The following GNAL variants were observed in gnomAD, a reference collection of about 807,000 sequenced individuals.
GNAL encodes the protein guanine nucleotide-binding protein G(olf) subunit alpha.
GNAL carries 18 observed loss-of-function variants against 55.1 expected under a neutral mutation model. The ratio of observed to expected loss-of-function variants is 0.33; its 90% confidence interval spans 0.23 to 0.48. The LOEUF (loss-of-function observed/expected upper bound fraction) is 0.48. GNAL is among the 20% of genes least tolerant of loss of function. The probability of loss-of-function intolerance (pLI) is 0.99; values close to 1 mark genes in which losing one functional copy is unlikely to be tolerated. For missense variants in GNAL, 412 were observed against 614.1 expected (o/e 0.67, Z 3.48); for synonymous variants, 253 against 237.0 (o/e 1.07, Z -0.62).
intron 4 of GNAL, among the ~76,000 whole-genome samples, chr18:11,799,405 T>C (rs922498602): frequency 3.3e-5 from 5 of 152,222 alleles, no homozygotes; most frequent in African/African-American, 1.2e-4. Context: ...ATTTCTACAA[T>C]GAGAAATTAT....
chr18:11,882,500 A>C lies in GNAL; in HGVS notation c.*1365A>C, dbSNP rs1267389956. On this transcript the variant is annotated 3_prime_UTR_variant, in exon 12 of 12. Coordinates refer to ENST00000334049, the MANE Select transcript of GNAL (RefSeq NM_182978.4). ...CAGGAGATCAAGACCATCCTGGCTAACATGGCGAAACCCTGTCTCTACCAA... is the reference window on the plus strand; with the variant it reads ...CAGGAGATCAAGACCATCCTGGCTACCATGGCGAAACCCTGTCTCTACCAA... 6.6e-6 allele frequency: 1 copy of C among 152,212 alleles called. No homozygotes were observed. The highest frequency in any genetic ancestry group is 2.4e-5 in the African/African-American group (1 of 41,404). The allele number at this position is 152,212 out of a possible 1,614,324, so 9.4% of individuals were successfully genotyped here.
intron 9 of GNAL, among the ~76,000 whole-genome samples, chr18:11,869,402 C>T (rs2036341959): frequency 6.6e-6 from 1 of 152,116 alleles, no homozygotes; most frequent in Admixed American, 6.6e-5. Flanking sequence ...CTCGGCCTCC[C>T]AAAGTGCTGG....
At position 11,851,256 on chromosome 18, in the gene GNAL, C is replaced by G. The variant is rs562781018; in HGVS notation, c.723-11139C>G. On this transcript the variant is annotated intron_variant, in intron 5 of 11. Transcript: ENST00000334049. ...AAGCGAGCGTTCCCCGCCGCAGCGC[C>G]GGAGCGTCCAGCCAGAATCCCCCTG... The G allele has an allele frequency of 1.9e-4, 86 of 462,292 alleles. 1 individual carries two copies. The highest frequency in any genetic ancestry group is 3.1e-4 in the Non-Finnish European group (82 of 262,038). 28.6% of individuals were successfully genotyped at this position (462,292 alleles called of 1,614,324 possible).
intron 4 of GNAL, among the ~76,000 whole-genome samples, chr18:11,773,111 C>T (rs555554334): frequency 6.6e-6 from 1 of 152,316 alleles, no homozygotes; most frequent in African/African-American, 2.4e-5. Context: ...CTTCCCTGAC[C>T]TCTGAGATGA....
At chr18:11,825,769 C>A (rs1309128486) in intron 5 of GNAL, among the ~76,000 whole-genome samples, 1 of 140,696 alleles carries the variant, frequency 7.1e-6, no homozygotes, top group African/African-American at 2.5e-5. Flanking sequence ...CACTTGGTGC[C>A]AGGGCTGGCT....
intron 1 of GNAL, among the ~76,000 whole-genome samples, chr18:11,708,652 G>A (rs900588183): frequency 6.6e-6 from 1 of 152,202 alleles, no homozygotes; most frequent in Non-Finnish European, 1.5e-5. Context: ...TTGTAAATTT[G>A]TATAAATGCA....
At chr18:11,696,429 C>G (rs1042130402) in intron 1 of GNAL, among the ~76,000 whole-genome samples, 1 of 151,132 alleles carries the variant, frequency 6.6e-6, no homozygotes, top group Non-Finnish European at 1.5e-5. Flanking sequence ...GGCGTGAACC[C>G]GGAAGGCAGA....
intron 1 of GNAL, among the ~76,000 whole-genome samples, chr18:11,729,769 A>G (rs2032293398): frequency 6.6e-6 from 1 of 152,200 alleles, no homozygotes; most frequent in Non-Finnish European, 1.5e-5. Context: ...TTCTGAGCCA[A>G]TGTGGCTGCT....
In GNAL at chr18:11,883,217, T is replaced by A. The variant is rs1188984219; in HGVS notation, c.*2082T>A. On this transcript the variant is annotated 3_prime_UTR_variant, in exon 12 of 12. Transcript: ENST00000334049. ...CACACATTTTATCTCATCACCGTCTTACTGCCTCCCCATCCACTGTCTCAT... is the reference window on the plus strand; with the variant it reads ...CACACATTTTATCTCATCACCGTCTAACTGCCTCCCCATCCACTGTCTCAT... 6.6e-6 allele frequency: 1 copy of A among 150,572 alleles called. No individual in the cohort carries two copies. The highest frequency in any genetic ancestry group is 2.5e-5 in the African/African-American group (1 of 40,062). 9.3% of individuals were successfully genotyped at this position (150,572 alleles called of 1,614,324 possible). A position where few individuals can be genotyped will look rare whatever the true frequency, so the allele number is the denominator to read the frequency against.
At position 11,752,607 on chromosome 18, in the gene GNAL, C is replaced by G. The variant is rs774550573; in HGVS notation, c.377-246C>G. On this transcript the variant is annotated intron_variant, in intron 1 of 11. Coordinates refer to ENST00000334049, the MANE Select transcript of GNAL (RefSeq NM_182978.4). This position sits in a 1 kb window ranked among gnomAD's most constrained non-coding sequence, Gnocchi z 4.5. ...AGGCCGAGGGGCGCGCGGCGGCTCC[C>G]GGCCCCAGCGGAGCGCACAGCCAGG... 15 of 1,566,402 alleles carry G rather than the reference C, an allele frequency of 9.6e-6. No homozygotes were observed. Among genetic ancestry groups the G allele is most frequent in the Non-Finnish European group, 1.2e-5 (14 of 1,162,706 alleles).
At chr18:11,831,672 C>G (rs79683426) in intron 5 of GNAL, among the ~76,000 whole-genome samples, 4,436 of 152,338 alleles carry the variant, frequency 0.029, 119 homozygotes, top group African/African-American at 0.077. Context: ...TTACTCCACT[C>G]GTACCTTGTC....
At chr18:11,860,384 T>C (rs962164706) in intron 5 of GNAL, among the ~76,000 whole-genome samples, 17 of 152,156 alleles carry the variant, frequency 1.1e-4, no homozygotes, top group African/African-American at 4.1e-4. Flanking sequence ...TCCAAGGAAA[T>C]TATGTAGTCT....
intron 4 of GNAL, among the ~76,000 whole-genome samples, chr18:11,755,024 G>GTGTGTGTGTGTGTA (rs2032999316): frequency 1.4e-5 from 2 of 148,112 alleles, no homozygotes; most frequent in East Asian, 4.0e-4. Context: ...GTGTGTGTGT[G>GTGTGTGTGTGTGTA]TGTGTATGTG....
At chr18:11,867,055 C>T in intron 7 of GNAL, 113 bp from the exon 8 acceptor site, 1 of 808,182 alleles carries the variant, frequency 1.2e-6, no homozygotes, top group Admixed American at 1.9e-5. Flanking sequence ...GAGCTTGACT[C>T]AAGACCCATG....
At chr18:11,701,217 C>G (rs778019545) in intron 1 of GNAL, among the ~76,000 whole-genome samples, 2 of 152,290 alleles carry the variant, frequency 1.3e-5, no homozygotes, top group Admixed American at 6.5e-5. Context: ...TGGGCATCCC[C>G]CTTCCTTAGG....
chr18:11,841,470 A>C (rs1390748104), intron 5 of GNAL, among the ~76,000 whole-genome samples: 1 of 151,764 alleles, frequency 6.6e-6, no homozygotes, highest in East Asian at 1.9e-4. Flanking sequence ...AAATGGTGAA[A>C]CCCTGCCTTT....
At position 11,868,125 on chromosome 18, in the gene GNAL, C is replaced by T. The variant is rs2036307911; in HGVS notation, c.911-418C>T. On this transcript the variant is annotated intron_variant, in intron 8 of 11. Coordinates refer to ENST00000334049, the MANE Select transcript of GNAL (RefSeq NM_182978.4). This position sits in a 1 kb window ranked among gnomAD's most constrained non-coding sequence, Gnocchi z 4.0. The stretch of plus-strand genomic sequence containing the variant: ...GGGCAACAAGAGTGAAACTCTGTCT[C>T]GGAAGAAAATACAAAAATACAAAAA... Among the ~76,000 whole-genome samples the T allele has an allele frequency of 1.3e-5, 2 of 151,392 alleles. No individual in the cohort carries two copies. The highest frequency in any genetic ancestry group is 4.9e-5 in the African/African-American group (2 of 41,088).
At chr18:11,734,416 C>G (rs903601830) in intron 1 of GNAL, among the ~76,000 whole-genome samples, 1 of 152,176 alleles carries the variant, frequency 6.6e-6, no homozygotes, top group African/African-American at 2.4e-5. Context: ...TCTGGGATTA[C>G]AGGCGTGACC....
At chr18:11,808,486 A>G (rs2034723242) in intron 4 of GNAL, among the ~76,000 whole-genome samples, 1 of 152,268 alleles carries the variant, frequency 6.6e-6, no homozygotes, top group South Asian at 2.1e-4. Context: ...AACATCTGCC[A>G]TGCTACCCAC....
Sources: gnomAD v4.1 joint callset for allele counts (sites outside exome capture counted in the v4.1 genomes callset) on GRCh38, gnomAD v4.1.1 for gene constraint, Gnocchi (gnomAD v3.1) non-coding constraint, MANE v1.5 for transcripts, NCBI Gene and HGNC (gene_info 2026-07-23, HGNC 2026-07-21) for gene names.